NEIL1: variants seen among roughly 807,000 people sequenced by gnomAD.
NEIL1 encodes the protein nei like DNA glycosylase 1, also known as endonuclease 8-like 1.
In NEIL1, 31 loss-of-function variants were observed where a neutral mutation model predicts 44.2. That is an observed-to-expected ratio of 0.70 (90% CI 0.53 to 0.95). The LOEUF is 0.95. NEIL1 is among the 40% of genes least tolerant of loss of function. The probability of loss-of-function intolerance (pLI) is 0.00; values close to 1 mark genes in which losing one functional copy is unlikely to be tolerated. For synonymous variants in NEIL1, 254 were observed against 209.7 expected (o/e 1.21, Z -1.83); for missense variants, 549 against 515.5 (o/e 1.07, Z -0.63).
chr15:75,348,278 T>C (rs1005473421), intron 1 of NEIL1: 71 of 965,890 alleles, frequency 7.4e-5, no homozygotes, highest in Non-Finnish European at 8.4e-5. Context: ...AAGCGGCCGA[T>C]TCGGCCGCTC....
At chr15:75,349,543 G>C (rs150194115) in intron 2 of NEIL1, 2 of 594,338 alleles carry the variant, frequency 3.4e-6, no homozygotes, top group South Asian at 4.5e-5. Flanking sequence ...GGCCGGGTGT[G>C]GTGGCTCAAG....
rs2071690680 is a variant in NEIL1 at position 75,349,260 on chromosome 15, CG to C, written c.357del (p.Phe120SerfsTer33). ...RLALCFVDIR[R>X]FGRWDLGGKW... The stretch of plus-strand genomic sequence containing the variant: ...CGCCCTATGTTTCGTGGACATCCGC[CG>C]GTTCGGCCGCTGGGACCTTGGGGGA... On this transcript the variant is annotated frameshift_variant, in exon 2 of 10. Coordinates refer to ENST00000355059, the MANE Select transcript of NEIL1 (RefSeq NM_024608.4). LOFTEE classifies it high-confidence loss of function. 1.9e-6 allele frequency: 3 copies of C among 1,611,440 alleles called. No individual in the cohort carries two copies. The highest frequency in any genetic ancestry group is 3.3e-5 in the Admixed American group (2 of 60,006).
chr15:75,355,089 G>T lies in NEIL1; in HGVS notation c.*55G>T. On this transcript the variant is annotated 3_prime_UTR_variant, in exon 10 of 10. Transcript: ENST00000355059. ...TTTCTTATTGTCTTGCCCTGCATCT[G>T]GGGGTCTGAATTTTTGGGAGCAGGC... The T allele has an allele frequency of 6.5e-7, 1 of 1,538,260 alleles. No homozygotes were observed. The highest frequency in any genetic ancestry group is 8.9e-7 in the Non-Finnish European group (1 of 1,124,934).
intron 2 of NEIL1, chr15:75,351,818 C>T (rs554065809): frequency 6.7e-5 from 23 of 340,874 alleles, no homozygotes; most frequent in Non-Finnish European, 1.3e-4. Context: ...GACAGGGTTT[C>T]ACCATGTTGG....
At chr15:75,349,423 A>G in intron 2 of NEIL1, 84 bp downstream of exon 2, 1 of 1,310,984 alleles carries the variant, frequency 7.6e-7, no homozygotes, top group East Asian at 2.3e-5. Flanking sequence ...ACAAGGGGCG[A>G]GTCCCTGCCC....
Position 75,355,973 on chromosome 15 carries a change from A to AGGC in NEIL1, c.*942_*944dup. On this transcript the variant is annotated 3_prime_UTR_variant, in exon 10 of 10. Transcript: ENST00000355059. Reference sequence around the variant, plus strand: ...TTGGAAGGGAGAAAAGGTGAGCTTCAGGCGGTTGTCCCGAAGGGTCAAGTG... The same window carrying AGGC: ...TTGGAAGGGAGAAAAGGTGAGCTTCAGGCGGCGGTTGTCCCGAAGGGTCAAGTG... 6.2e-7 allele frequency: 1 copy of AGGC among 1,614,164 alleles called. No homozygotes were observed. Among genetic ancestry groups the AGGC allele is most frequent in the Non-Finnish European group, 8.5e-7 (1 of 1,180,018 alleles).
chr15:75,351,794 G>C (rs1253521171), intron 2 of NEIL1, among the ~76,000 whole-genome samples: 3 of 151,760 alleles, frequency 2.0e-5, no homozygotes, highest in Admixed American at 6.6e-5. Flanking sequence ...GGCTAATTTT[G>C]AATTTTTAGT....
At position 75,356,114 on chromosome 15, in the gene NEIL1, T is replaced by C. The variant is rs2072285180; in HGVS notation, c.*1080T>C. ...CAATCCCACACCGCCACTCACAGGA[T>C]GGCCTCCTGAACCGGCAGCGACAAG... On this transcript the variant is annotated 3_prime_UTR_variant, in exon 10 of 10. Transcript: ENST00000355059. The surrounding 1 kb of genome is among the most constrained non-coding windows in gnomAD (Gnocchi z 5.8). 6.2e-7 allele frequency: 1 copy of C among 1,613,884 alleles called. No individual in the cohort carries two copies. The highest frequency in any genetic ancestry group is 1.1e-5 in the South Asian group (1 of 91,078).
intron 2 of NEIL1, chr15:75,351,370 G>T: frequency 4.9e-6 from 2 of 411,176 alleles, no homozygotes; most frequent in Admixed American, 3.0e-5. Context: ...TAACCTCCAG[G>T]GCTCAGGTGA....
chr15:75,355,559 C>T lies in NEIL1; in HGVS notation c.*525C>T, dbSNP rs1235538341. The T allele has an allele frequency of 7.3e-6, 2 of 273,998 alleles. No homozygotes were observed. Among genetic ancestry groups the T allele is most frequent in the Non-Finnish European group, 1.4e-5 (2 of 143,140 alleles). The allele number at this position is 273,998 out of a possible 1,614,324, so 17.0% of individuals were successfully genotyped here. A position where few individuals can be genotyped will look rare whatever the true frequency, so the allele number is the denominator to read the frequency against. On this transcript the variant is annotated 3_prime_UTR_variant, in exon 10 of 10. Coordinates refer to ENST00000355059, the MANE Select transcript of NEIL1 (RefSeq NM_024608.4). ...GCCCCTCCCCAGCCCCAGGCCCAGGCCCTTTACCTGCTGGCACAGGGGAGG... is the reference window on the plus strand; with the variant it reads ...GCCCCTCCCCAGCCCCAGGCCCAGGTCCTTTACCTGCTGGCACAGGGGAGG...
rs778458430 is a variant in NEIL1 at position 75,356,826 on chromosome 15, G to C, written c.*1792G>C. On this transcript the variant is annotated 3_prime_UTR_variant, in exon 10 of 10. Transcript: ENST00000355059. The surrounding 1 kb of genome is among the most constrained non-coding windows in gnomAD (Gnocchi z 5.8). ...GCTGAGGATGCTGCCTCGCACTGAC[G>C]CGCCATACTTGCAGTCGTTGAGCAG... The C allele has an allele frequency of 7.4e-6, 12 of 1,613,958 alleles. No individual in the cohort carries two copies. The African/African-American group carries it at 1.6e-4, about 22-fold the overall frequency.
chr15:75,351,798 T>G (rs1225618482), intron 2 of NEIL1: 1 of 309,530 alleles, frequency 3.2e-6, no homozygotes, highest in Non-Finnish European at 6.4e-6. Context: ...AATTTTGAAT[T>G]TTTAGTAGAG....
Position 75,353,841 on chromosome 15 carries a change from G to A in NEIL1, c.821G>A (p.Arg274Gln), listed in dbSNP as rs148915219. Residue 274 changes from arginine to glutamine, a missense_variant, in exon 6 of 10, where the codon CGG becomes CAG. By Grantham distance (43) the Arg-to-Gln change is conservative. Transcript: ENST00000355059. ...GMPGMSSLQDRHGRTIWFQGD... is the reference protein window; with the variant it reads ...GMPGMSSLQDQHGRTIWFQGD... ...CCAGGCATGAGCTCCCTGCAGGACC[G>A]GCATGGCCGTACCATCTGGTTCCAG... is the stretch of plus-strand genomic sequence containing the variant. 31 of 1,613,258 alleles carry A rather than the reference G, an allele frequency of 1.9e-5. No homozygotes were observed. The highest frequency in any genetic ancestry group is 3.3e-5 in the South Asian group (3 of 91,032).
At position 75,356,383 on chromosome 15, in the gene NEIL1, G is replaced by A; in HGVS notation, c.*1349G>A. On this transcript the variant is annotated 3_prime_UTR_variant, in exon 10 of 10. Coordinates refer to ENST00000355059, the MANE Select transcript of NEIL1 (RefSeq NM_024608.4). The surrounding 1 kb of genome is among the most constrained non-coding windows in gnomAD (Gnocchi z 5.8). Reference sequence around the variant, plus strand: ...GGTGGCGGGCGCTGGGCTGGGGGCTGGCAGAGCCAACAGGGGGAAGTTTAG... The same window carrying A: ...GGTGGCGGGCGCTGGGCTGGGGGCTAGCAGAGCCAACAGGGGGAAGTTTAG... 2 of 1,611,682 alleles carry A rather than the reference G, an allele frequency of 1.2e-6. No individual in the cohort carries two copies. The highest frequency in any genetic ancestry group is 1.7e-6 in the Non-Finnish European group (2 of 1,179,208).
At chr15:75,348,105 C>T (rs1227587841) in intron 1 of NEIL1, 1 of 891,304 alleles carries the variant, frequency 1.1e-6, no homozygotes, top group Non-Finnish European at 1.4e-6. Context: ...GGGGCAGGAG[C>T]TCGGGGAGCC....
At chr15:75,353,078 T>C (rs1304881068) in intron 5 of NEIL1, 2 of 206,910 alleles carry the variant, frequency 9.7e-6, no homozygotes, top group East Asian at 1.3e-4. Flanking sequence ...GAGGTGGAGG[T>C]TGCAGTTGAG....
intron 5 of NEIL1, chr15:75,353,250 C>CACACACACAT (rs5813799): frequency 1.8e-4 from 46 of 251,592 alleles, no homozygotes; most frequent in African/African-American, 9.3e-4. Context: ...CACACACACA[C>CACACACACAT]GCACGTTTAT....
chr15:75,357,109 C>T lies in NEIL1; in HGVS notation c.*2075C>T, dbSNP rs1310946638. On this transcript the variant is annotated 3_prime_UTR_variant, in exon 10 of 10. Transcript: ENST00000355059. ...TGAAACGGGAATAAATAATAGTACTCACCCCATCGAATGATCATGAGTATC... is the reference window on the plus strand; with the variant it reads ...TGAAACGGGAATAAATAATAGTACTTACCCCATCGAATGATCATGAGTATC... 3.4e-6 allele frequency: 2 copies of T among 584,874 alleles called. No individual in the cohort carries two copies. The highest frequency in any genetic ancestry group is 5.6e-5 in the East Asian group (2 of 35,574). 36.2% of individuals were successfully genotyped at this position (584,874 alleles called of 1,614,324 possible).
chr15:75,353,894 A>G (rs562627597), intron 6 of NEIL1, 28 bp downstream of exon 6: 1 of 1,610,906 alleles, frequency 6.2e-7, no homozygotes, highest in Non-Finnish European at 8.5e-7. Context: ...ACACAGGCAG[A>G]GACCCCAGGA....
Sources: gnomAD v4.1 joint callset for allele counts (sites outside exome capture counted in the v4.1 genomes callset) on GRCh38, gnomAD v4.1.1 for gene constraint, Gnocchi (gnomAD v3.1) non-coding constraint, MANE v1.5 for transcripts, NCBI Gene and HGNC (gene_info 2026-07-23, HGNC 2026-07-21) for gene names.